The following IFT74 variants were observed in gnomAD, a reference collection of about 807,000 sequenced individuals.
IFT74 encodes intraflagellar transport 74.
IFT74 carries 92 observed loss-of-function variants against 96.7 expected under a neutral mutation model. The ratio of observed to expected loss-of-function variants is 0.95; its 90% CI spans 0.80 to 1.13. IFT74 has a LOEUF of 1.13. Among genes scored for constraint, IFT74 ranks in the 50% most tolerant of loss-of-function variants. IFT74 has a pLI of 0.00. For synonymous variants in IFT74, 223 were observed against 213.2 expected (o/e 1.05, Z -0.40); for missense variants, 811 against 698.2 (o/e 1.16, Z -1.82).
At chr9:27,001,887 A>T (rs552163594) in intron 8 of IFT74, among the ~76,000 whole-genome samples, 1 of 151,376 alleles carries the variant, frequency 6.6e-6, no homozygotes, top group East Asian at 1.9e-4. Flanking sequence ...GACACAAAAA[A>T]ATCTTTGTCC....
At chr9:26,955,306 A>G (rs558107076), upstream of IFT74, among the ~76,000 whole-genome samples, 1 of 152,320 alleles carries the variant, frequency 6.6e-6, no homozygotes. Context: ...TGGTGATAGA[A>G]CATTGCAGTC....
intron 8 of IFT74, among the ~76,000 whole-genome samples, chr9:26,996,760 C>T (rs1828180451): frequency 6.6e-6 from 1 of 151,502 alleles, no homozygotes; most frequent in East Asian, 1.9e-4. Flanking sequence ...ATTGTGGTTA[C>T]ATGGTTACAA....
chr9:27,034,391 A>G (rs1049051953), intron 13 of IFT74, among the ~76,000 whole-genome samples: 65 of 152,322 alleles, frequency 4.3e-4, no homozygotes, highest in African/African-American at 1.5e-3. Flanking sequence ...ACAAAATATA[A>G]TACTTTGGTT....
intron 2 of IFT74, among the ~76,000 whole-genome samples, chr9:26,975,098 G>A (rs996545839): frequency 8.5e-5 from 13 of 152,116 alleles, no homozygotes; most frequent in Admixed American, 2.6e-4. Context: ...GAGGAATAAC[G>A]TGAGCAGGGA....
intron 2 of IFT74, among the ~76,000 whole-genome samples, chr9:26,967,840 A>G (rs1378288238): frequency 6.6e-6 from 1 of 152,152 alleles, no homozygotes; most frequent in Non-Finnish European, 1.5e-5. Flanking sequence ...TACAATATCA[A>G]CGGAAGGCTT....
intron 11 of IFT74, 102 bp from the exon 12 acceptor site, chr9:27,018,545 T>C: frequency 5.6e-6 from 3 of 531,648 alleles, no homozygotes; most frequent in Non-Finnish European, 9.8e-6. Context: ...GAGAGTAGAT[T>C]TGACACTTTA....
chr9:27,039,703 T>C (rs1196041148), intron 13 of IFT74, among the ~76,000 whole-genome samples: 1 of 152,122 alleles, frequency 6.6e-6, no homozygotes, highest in Non-Finnish European at 1.5e-5. Context: ...TCATAAGTAA[T>C]CTAGGGATGA....
chr9:27,014,972 A>G (rs773138404), intron 10 of IFT74, among the ~76,000 whole-genome samples: 2 of 152,238 alleles, frequency 1.3e-5, no homozygotes, highest in Non-Finnish European at 2.9e-5. Flanking sequence ...ATAGTGGTCA[A>G]TCAACTAGTA....
At chr9:26,994,696 T>G (rs1206107482) in intron 8 of IFT74, 1 of 152,600 alleles carries the variant, frequency 6.6e-6, no homozygotes, top group Non-Finnish European at 1.5e-5. Context: ...TTGGGAAACA[T>G]TGCTCTATCT....
At chr9:27,045,540 A>G (rs1272140805) in intron 14 of IFT74, among the ~76,000 whole-genome samples, 1 of 152,056 alleles carries the variant, frequency 6.6e-6, no homozygotes, top group Non-Finnish European at 1.5e-5. Context: ...ACCAGCTATA[A>G]TTTTAGTTGC....
chr9:27,037,775 A>C (rs1819270462), intron 13 of IFT74, among the ~76,000 whole-genome samples: 1 of 152,200 alleles, frequency 6.6e-6, no homozygotes, highest in Non-Finnish European at 1.5e-5. Flanking sequence ...TGTTCTGGCA[A>C]CACAATAGGA....
At chr9:26,990,486 G>T (rs538073795) in intron 8 of IFT74, among the ~76,000 whole-genome samples, 1 of 152,112 alleles carries the variant, frequency 6.6e-6, no homozygotes, top group African/African-American at 2.4e-5. Context: ...TACTATTTTT[G>T]GTTTTAACCT....
chr9:26,977,202 T>C (rs536111359), intron 2 of IFT74, among the ~76,000 whole-genome samples: 44 of 152,290 alleles, frequency 2.9e-4, no homozygotes, highest in African/African-American at 1.0e-3. Context: ...GGCCTCGAAC[T>C]CCTGGGTTTT....
chr9:27,018,423 A>G (rs1390143366), intron 11 of IFT74, among the ~76,000 whole-genome samples: 3 of 152,156 alleles, frequency 2.0e-5, no homozygotes, highest in Non-Finnish European at 4.4e-5. Flanking sequence ...AGCTGTGAGT[A>G]TATCAGTTAC....
chr9:27,040,766 CTTG>C (rs1819442993), intron 13 of IFT74, among the ~76,000 whole-genome samples: 1 of 151,980 alleles, frequency 6.6e-6, no homozygotes, highest in Non-Finnish European at 1.5e-5. Context: ...TAGTACATGC[CTTG>C]TTGTGTATTG....
chr9:27,000,488 T>C (rs1046880107), intron 8 of IFT74, among the ~76,000 whole-genome samples: 1 of 152,206 alleles, frequency 6.6e-6, no homozygotes, highest in Non-Finnish European at 1.5e-5. Context: ...TTTCCCCCCA[T>C]GGTAACTTTT....
intron 13 of IFT74, among the ~76,000 whole-genome samples, chr9:27,039,820 G>T (rs1269354314): frequency 1.3e-5 from 2 of 151,976 alleles, no homozygotes; most frequent in African/African-American, 4.8e-5. Flanking sequence ...AGAGGGGTGG[G>T]GGTACTGAAA....
In IFT74 at chr9:27,009,212, T is replaced by A. The variant is rs1828935000; in HGVS notation, c.726+54T>A. On this transcript the variant is annotated intron_variant, in intron 9 of 19. Coordinates refer to ENST00000380062, the MANE Select transcript of IFT74 (RefSeq NM_025103.4). Reference sequence around the variant, plus strand: ...CATGTATCATTCTTGCTACTAAAAGTATAGTTTGAATATCAGCAGCATCAG... The same window carrying A: ...CATGTATCATTCTTGCTACTAAAAGAATAGTTTGAATATCAGCAGCATCAG... The A allele has an allele frequency of 2.0e-6, 3 of 1,520,822 alleles. No homozygotes were observed. The African/African-American group carries it at 4.1e-5, about 21-fold the overall frequency. 94.2% of individuals were successfully genotyped at this position (1,520,822 alleles called of 1,614,324 possible).
At chr9:26,982,275 T>G in intron 4 of IFT74, 1 of 364,754 alleles carries the variant, frequency 2.7e-6, no homozygotes, top group Non-Finnish European at 5.4e-6. Context: ...TTTTTTTCTT[T>G]TTTTTTTGAG....
Sources: allele counts gnomAD v4.1 joint callset (sites outside exome capture counted in the v4.1 genomes callset), GRCh38; gene constraint gnomAD v4.1.1; transcripts MANE v1.5; gene names NCBI Gene and HGNC (gene_info 2026-07-23, HGNC 2026-07-21).